Variants in GPHN observed in about 807,000 individuals in gnomAD.
GPHN encodes gephyrin.
A neutral mutation model predicts 95.5 loss-of-function variants in GPHN; 17 were observed. The ratio of observed to expected loss-of-function variants is 0.18; its 90% confidence interval spans 0.12 to 0.27. The LOEUF (loss-of-function observed/expected upper bound fraction) is 0.27. Among genes scored for constraint, GPHN ranks in the 10% least tolerant of loss-of-function variants. The probability of loss-of-function intolerance (pLI) is 1.00; values close to 1 mark genes in which losing one functional copy is unlikely to be tolerated. For synonymous variants in GPHN, 320 were observed against 322.5 expected, an observed-to-expected ratio of 0.99 and a Z score of 0.08; for missense variants, 660 against 978.1, an observed-to-expected ratio of 0.67 and a Z score of 4.34.
chr14:67,001,983 G>C (rs1205246516), intron 9 of GPHN, among the ~76,000 whole-genome samples: 1 of 151,600 alleles, frequency 6.6e-6, no homozygotes, highest in Admixed American at 6.6e-5. Flanking sequence ...ACTTTGGCAA[G>C]TAGAATTATC....
At chr14:67,193,779 C>CAA in the GPHN span, among the ~76,000 whole-genome samples, 3 of 88,832 alleles carry the variant, frequency 3.4e-5, no homozygotes, top group African/African-American at 8.5e-5. Flanking sequence ...CCAATTTCTA[C>CAA]AAAAAAAAAA....
chr14:66,804,151 C>T (rs1455811463), intron 3 of GPHN, among the ~76,000 whole-genome samples: 1 of 152,120 alleles, frequency 6.6e-6, no homozygotes, highest in Non-Finnish European at 1.5e-5. Flanking sequence ...CTTCTGTAGG[C>T]AGAAAGTGTG....
At chr14:67,256,053 A>G in the GPHN span, among the ~76,000 whole-genome samples, 2 of 152,108 alleles carry the variant, frequency 1.3e-5, no homozygotes, top group African/African-American at 2.4e-5. Context: ...CAGAAAAGTA[A>G]TATCTTTGTG....
At chr14:67,352,057 G>A in the GPHN span, among the ~76,000 whole-genome samples, 1 of 151,900 alleles carries the variant, frequency 6.6e-6, no homozygotes, top group African/African-American at 2.4e-5. Flanking sequence ...GGATGAGGTG[G>A]AATGATCACT....
chr14:66,579,361 G>T (rs1282319323), intron 1 of GPHN, among the ~76,000 whole-genome samples: 1 of 151,322 alleles, frequency 6.6e-6, no homozygotes, highest in African/African-American at 2.4e-5. Context: ...TATCAAACAA[G>T]TAGTTTAAAT....
Position 66,835,049 on chromosome 14 carries a change from G to T in GPHN, c.294+10483G>T, listed in dbSNP as rs868741336. 5.0e-4 allele frequency among the ~76,000 whole-genome samples: 75 copies of T among 150,804 alleles called. 1 individual carries two copies. The Middle Eastern group carries it at 0.014, about 27-fold the overall frequency. On this transcript the variant is annotated intron_variant, in intron 4 of 22. Coordinates refer to ENST00000478722, the MANE Select transcript of GPHN (RefSeq NM_020806.5). ...TTTTCTAGTTTATTTGCGTAGAGGTGTTTGTAGTATTCTCTGATGGTAGTT... is the reference window on the plus strand; with the variant it reads ...TTTTCTAGTTTATTTGCGTAGAGGTTTTTGTAGTATTCTCTGATGGTAGTT...
chr14:67,227,259 G>C, the GPHN span, among the ~76,000 whole-genome samples: 3 of 151,968 alleles, frequency 2.0e-5, no homozygotes, highest in East Asian at 5.8e-4. Context: ...GGCCAATATG[G>C]TGAAACCCCA....
At chr14:66,923,810 A>G (rs1281705767) in intron 7 of GPHN, among the ~76,000 whole-genome samples, 1 of 152,004 alleles carries the variant, frequency 6.6e-6, no homozygotes, top group Non-Finnish European at 1.5e-5. Context: ...TTTTTTAATA[A>G]TATATAGATT....
At chr14:67,266,689 G>GATAGGTC in the GPHN span, among the ~76,000 whole-genome samples, 12 of 152,154 alleles carry the variant, frequency 7.9e-5, no homozygotes, top group African/African-American at 2.7e-4. Flanking sequence ...CTTCTGCAAA[G>GATAGGTC]ATAGGTCATT....
intron 5 of GPHN, among the ~76,000 whole-genome samples, chr14:66,889,923 A>G (rs1465162108): frequency 2.0e-5 from 3 of 152,154 alleles, no homozygotes; most frequent in African/African-American, 7.2e-5. Flanking sequence ...AGTAATGAAA[A>G]TGGAGTCATT....
rs1030125124 is a variant in GPHN at position 66,735,440 on chromosome 14, T to C, written c.144-41024T>C. Among the ~76,000 whole-genome samples the C allele has an allele frequency of 2.0e-5, 3 of 152,160 alleles. No individual in the cohort carries two copies. In the South Asian group the frequency reaches 6.2e-4, roughly 32 times the overall value. On this transcript the variant is annotated intron_variant, in intron 2 of 22. Coordinates refer to ENST00000478722, the MANE Select transcript of GPHN (RefSeq NM_020806.5). The stretch of plus-strand genomic sequence containing the variant: ...GGTTTAGGATATGTACAGGGCCCAA[T>C]AGTTGTACCCATCCCATTAGTAAGT...
At chr14:67,681,853 A>C in the GPHN span, among the ~76,000 whole-genome samples, 1 of 152,226 alleles carries the variant, frequency 6.6e-6, no homozygotes, top group Non-Finnish European at 1.5e-5. Context: ...AGAAGAAAAC[A>C]TAGGGGTTGC....
At chr14:67,614,689 G>C in the GPHN span, among the ~76,000 whole-genome samples, 1 of 152,094 alleles carries the variant, frequency 6.6e-6, no homozygotes, top group Non-Finnish European at 1.5e-5. Flanking sequence ...TTGAGTCCAG[G>C]AGGTCAAGGT....
the GPHN span, among the ~76,000 whole-genome samples, chr14:67,419,121 G>A: frequency 2.0e-5 from 3 of 152,188 alleles, no homozygotes; most frequent in Admixed American, 6.5e-5. Context: ...ATATAGATAA[G>A]AGCCCCTTCC....
intron 3 of GPHN, among the ~76,000 whole-genome samples, chr14:66,792,205 G>GT (rs368983944): frequency 6.6e-6 from 1 of 152,256 alleles, no homozygotes; most frequent in African/African-American, 2.4e-5. Context: ...ATGCAGCCCT[G>GT]TACGTCTCAG....
At position 66,895,008 on chromosome 14, in the gene GPHN, G is replaced by T. The variant is rs540987022; in HGVS notation, c.389+14975G>T. The stretch of plus-strand genomic sequence containing the variant: ...TTTGACCCAGCCATCCCATTACTGG[G>T]TATATACCCAAAGGATTATAAATCA... On this transcript the variant is annotated intron_variant, in intron 5 of 22. Transcript: ENST00000478722. Among the ~76,000 whole-genome samples, 35 of 152,250 alleles carry T rather than the reference G, an allele frequency of 2.3e-4. 1 individual carries two copies. The South Asian group carries it at 7.3e-3, about 32-fold the overall frequency.
At chr14:67,234,805 CT>C in the GPHN span, among the ~76,000 whole-genome samples, 2 of 151,762 alleles carry the variant, frequency 1.3e-5, no homozygotes, top group African/African-American at 4.8e-5. Flanking sequence ...CCGCCTCAGC[CT>C]CCCAAAGTGC....
At chr14:66,947,280 C>A (rs1022506762) in intron 8 of GPHN, among the ~76,000 whole-genome samples, 1 of 152,166 alleles carries the variant, frequency 6.6e-6, no homozygotes. Context: ...TCTGGTTTAT[C>A]TCTTTCTCAC....
At chr14:67,691,119 T>C in the GPHN span, 1 of 1,562,028 alleles carries the variant, frequency 6.4e-7, no homozygotes, top group Non-Finnish European at 8.8e-7. Flanking sequence ...TCTAGCTTTG[T>C]GATAAGGCCA....
Sources: gnomAD v4.1 joint callset for allele counts (sites outside exome capture counted in the v4.1 genomes callset) on GRCh38, gnomAD v4.1.1 for gene constraint, MANE v1.5 for transcripts, NCBI Gene and HGNC (gene_info 2026-07-23, HGNC 2026-07-21) for gene names.